Variants in JCAD observed in about 807,000 individuals in gnomAD.
JCAD encodes junctional cadherin 5-associated protein.
In JCAD, 40 loss-of-function variants were observed where a neutral mutation model predicts 98.0. The observed-to-expected ratio is 0.41, with a 90% CI of 0.32 to 0.53. JCAD has a LOEUF of 0.53. Among genes scored for constraint, JCAD ranks in the 20% least tolerant of loss-of-function variants. The pLI, the probability that JCAD is intolerant of heterozygous loss-of-function variation, is 0.31. For missense variants in JCAD, 1,705 were observed against 1,738.1 expected (o/e 0.98, Z 0.34); for synonymous variants, 691 against 682.3 (o/e 1.01, Z -0.20).
At chr10:30,070,661 T>C (rs1057434539) in intron 1 of JCAD, among the ~76,000 whole-genome samples, 1 of 152,206 alleles carries the variant, frequency 6.6e-6, no homozygotes, top group Non-Finnish European at 1.5e-5. Flanking sequence ...TAGCATTAAA[T>C]CCACCCCAAC....
chr10:30,038,865 C>T (rs1456325059), intron 2 of JCAD, among the ~76,000 whole-genome samples: 1 of 151,918 alleles, frequency 6.6e-6, no homozygotes, highest in Non-Finnish European at 1.5e-5. Flanking sequence ...TGTGAGGGCT[C>T]CTGGGGCAGC....
In JCAD at chr10:30,017,688, G is replaced by A. The variant is rs1225882702; in HGVS notation, c.*195C>T. The A allele has an allele frequency of 3.1e-6, 2 of 639,114 alleles. No individual in the cohort carries two copies. Among genetic ancestry groups the A allele is most frequent in the Non-Finnish European group, 5.6e-6 (2 of 359,822 alleles). The allele number at this position is 639,114 out of a possible 1,614,324, so 39.6% of individuals were successfully genotyped here. A position where few individuals can be genotyped will look rare whatever the true frequency, so the allele number is the denominator to read the frequency against. ...ATAAAAACAGATGGTTTCAACGGAC[G>A]ATTGCTTTATCGCCACAAAGCAATT... On this transcript the variant is annotated 3_prime_UTR_variant, in exon 4 of 4. Coordinates refer to ENST00000375377, the MANE Select transcript of JCAD (RefSeq NM_020848.4).
intron 1 of JCAD, among the ~76,000 whole-genome samples, chr10:30,103,828 T>A (rs2132711377): frequency 6.7e-6 from 1 of 148,820 alleles, no homozygotes; most frequent in East Asian, 2.0e-4. Flanking sequence ...GCCTCCTGGG[T>A]TCAAGCGATT....
Position 30,013,113 on chromosome 10 carries a change from G to A in JCAD, c.*4770C>T, listed in dbSNP as rs1454184468. Reference sequence around the variant, plus strand: ...CTGGGACCCTTTCTACCTGTCTTAGGTATTAATGGTGCCCAAAGAAAAAAT... The same window carrying A: ...CTGGGACCCTTTCTACCTGTCTTAGATATTAATGGTGCCCAAAGAAAAAAT... On this transcript the variant is annotated 3_prime_UTR_variant, in exon 4 of 4. Coordinates refer to ENST00000375377, the MANE Select transcript of JCAD (RefSeq NM_020848.4). 1 of 152,250 alleles carries A rather than the reference G, an allele frequency of 6.6e-6. No homozygotes were observed. The highest frequency in any genetic ancestry group is 2.4e-5 in the African/African-American group (1 of 41,438). The allele number at this position is 152,250 out of a possible 1,614,324, so 9.4% of individuals were successfully genotyped here. A position where few individuals can be genotyped will look rare whatever the true frequency, so the allele number is the denominator to read the frequency against.
chr10:30,058,453 G>C (rs951246487), intron 1 of JCAD, among the ~76,000 whole-genome samples: 1 of 152,180 alleles, frequency 6.6e-6, no homozygotes, highest in African/African-American at 2.4e-5. Flanking sequence ...TAAGCGCGTG[G>C]ATGACCAAAC....
At chr10:30,112,559 A>G (rs545082589) in intron 1 of JCAD, among the ~76,000 whole-genome samples, 25 of 152,254 alleles carry the variant, frequency 1.6e-4, no homozygotes, top group Admixed American at 1.4e-3. Context: ...AAAGTCACAT[A>G]ATGTATGATT....
intron 1 of JCAD, among the ~76,000 whole-genome samples, chr10:30,108,313 A>T (rs1404178580): frequency 1.3e-5 from 1 of 78,340 alleles, no homozygotes; most frequent in African/African-American, 3.7e-5. Context: ...ACTCCATATT[A>T]AAAAAAAAAA....
upstream of JCAD, among the ~76,000 whole-genome samples, chr10:30,060,213 A>G (rs1049458305): frequency 2.6e-5 from 4 of 152,036 alleles, no homozygotes; most frequent in African/African-American, 9.7e-5. Context: ...TACTTCTTTC[A>G]AAAAAAAGTC....
chr10:30,022,519 G>A lies in JCAD; in HGVS notation c.4045+3584C>T, dbSNP rs990110389. 1.2e-4 allele frequency among the ~76,000 whole-genome samples: 18 copies of A among 152,154 alleles called. 1 individual carries two copies. Among genetic ancestry groups the A allele is most frequent in the African/African-American group, 2.9e-4 (12 of 41,420 alleles). On this transcript the variant is annotated intron_variant, in intron 3 of 3. Coordinates refer to ENST00000375377, the MANE Select transcript of JCAD (RefSeq NM_020848.4). The stretch of plus-strand genomic sequence containing the variant: ...TCTAACTTGTGAAGCAACAGTGAGC[G>A]GAAAAGTGGACATACGTCAAAAGTA...
chr10:30,079,204 G>A (rs778656701), intron 1 of JCAD, among the ~76,000 whole-genome samples: 10 of 151,926 alleles, frequency 6.6e-5, no homozygotes, highest in Non-Finnish European at 1.2e-4. Flanking sequence ...AAAATTAGCC[G>A]GGCGTGGTGG....
chr10:30,107,239 AG>A (rs1838601605), intron 1 of JCAD, among the ~76,000 whole-genome samples: 1 of 152,212 alleles, frequency 6.6e-6, no homozygotes, highest in African/African-American at 2.4e-5. Flanking sequence ...AGGATGAGAT[AG>A]GAGGTCACAT....
At position 30,028,113 on chromosome 10, in the gene JCAD, C is replaced by T. The variant is rs766472638; in HGVS notation, c.2035G>A (p.Gly679Ser). ...LTKHRELKHS[G>S]SWPGHRYRDQ... is the part of the protein sequence containing the mutation. ...CTGTACCGGTGCCCTGGCCAAGAGCCAGAATGCTTGAGTTCTCTGTGCTTT... is the reference window on the plus strand; with the variant it reads ...CTGTACCGGTGCCCTGGCCAAGAGCTAGAATGCTTGAGTTCTCTGTGCTTT... The change falls in exon 3 of 4, where the codon GGC (glycine) becomes AGC (serine). Residue 679 changes from glycine (G) to serine (S), a missense_variant. Transcript: ENST00000375377. 1 of 1,614,200 alleles carries T rather than the reference C, an allele frequency of 6.2e-7. No homozygotes were observed. Among genetic ancestry groups the T allele is most frequent in the Non-Finnish European group, 8.5e-7 (1 of 1,180,048 alleles).
At chr10:30,025,157 C>T (rs913932611) in intron 3 of JCAD, among the ~76,000 whole-genome samples, 1 of 152,100 alleles carries the variant, frequency 6.6e-6, no homozygotes, top group African/African-American at 2.4e-5. Context: ...AAGGGCCCAG[C>T]TCAGGAGAGG....
chr10:30,031,513 C>T (rs1836989682), intron 2 of JCAD, among the ~76,000 whole-genome samples: 1 of 145,854 alleles, frequency 6.9e-6, no homozygotes, highest in African/African-American at 2.6e-5. Context: ...ACAATCTCGG[C>T]TCATTGCCAC....
intron 1 of JCAD, among the ~76,000 whole-genome samples, chr10:30,053,852 C>G (rs1837517242): frequency 6.6e-6 from 1 of 151,940 alleles, no homozygotes; most frequent in African/African-American, 2.4e-5. Context: ...CACCCGAGGT[C>G]AGGAGTTCAA....
intron 1 of JCAD, among the ~76,000 whole-genome samples, chr10:30,096,133 C>T (rs1838364263): frequency 6.6e-6 from 1 of 152,222 alleles, no homozygotes; most frequent in Admixed American, 6.5e-5. Flanking sequence ...GGAAAGATGC[C>T]ATCAGCCTGG....
chr10:30,034,864 A>C (rs1403010014), intron 2 of JCAD, among the ~76,000 whole-genome samples: 1 of 152,210 alleles, frequency 6.6e-6, no homozygotes, highest in Non-Finnish European at 1.5e-5. Flanking sequence ...GGCTAAAAGA[A>C]ATCATTAGGA....
At position 30,053,640 on chromosome 10, in the gene JCAD, A is replaced by G. The variant is rs185150739; in HGVS notation, c.-59-5769T>C. On this transcript the variant is annotated intron_variant, in intron 1 of 3. Transcript: ENST00000375377. ...TTAAACATCTGAAACCCTATGGAATAATCTCACTTCTTAGGATCTGTCCTA... is the reference window on the plus strand; with the variant it reads ...TTAAACATCTGAAACCCTATGGAATGATCTCACTTCTTAGGATCTGTCCTA... Among the ~76,000 whole-genome samples, 685 of 152,244 alleles carry G rather than the reference A, an allele frequency of 4.5e-3. 10 individuals are homozygous for G. The South Asian group carries it at 0.05, about 11-fold the overall frequency.
rs187601414 is a variant in JCAD at position 30,082,000 on chromosome 10, A to C, written n.129-12179T>G. On this transcript the variant is annotated intron_variant and non_coding_transcript_variant, in intron 1 of 2. Coordinates refer to the JCAD transcript ENST00000465712. ...TTATAGCTAGAGGGTCAGTGGGTAC[A>C]TTAAATTTCCTCATTTGCTGATATT... Among the ~76,000 whole-genome samples the C allele has an allele frequency of 5.3e-5, 8 of 152,324 alleles. No individual in the cohort carries two copies. In the East Asian group the frequency reaches 1.3e-3, roughly 26 times the overall value.
Sources: gnomAD v4.1 joint callset for allele counts (sites outside exome capture counted in the v4.1 genomes callset) on GRCh38, gnomAD v4.1.1 for gene constraint, MANE v1.5 for transcripts, NCBI Gene and HGNC (gene_info 2026-07-23, HGNC 2026-07-21) for gene names.